The following SPAG17 variants were observed in gnomAD, a reference collection of about 807,000 sequenced individuals.
SPAG17 encodes sperm associated antigen 17.
SPAG17 carries 169 observed loss-of-function variants against 273.6 expected under a neutral mutation model. The observed-to-expected ratio is 0.62, with a 90% CI of 0.55 to 0.70. The LOEUF is 0.70. Among genes scored for constraint, SPAG17 ranks in the 30% least tolerant of loss-of-function variants. SPAG17 has a pLI of 0.00. For missense variants in SPAG17, 2,557 were observed against 2,627.8 expected (o/e 0.97, Z 0.59); for synonymous variants, 825 against 873.2 (o/e 0.94, Z 0.97).
chr1:118,102,008 C>T (rs1656101922), intron 4 of SPAG17, 82 bp from the exon 5 acceptor site: 5 of 1,147,964 alleles, frequency 4.4e-6, no homozygotes, highest in East Asian at 2.3e-5. Flanking sequence ...ATTAATTCTT[C>T]ATCTCATTCA....
rs79217346 is a variant in SPAG17, at chr1:118,134,802, C to A, written c.315+15741G>T. ...TACCATCTAGAGTTCCTTGGTCATA[C>A]CTTGCTGTCTGTCTGCCTGACTTTG... On this transcript the variant is annotated intron_variant, in intron 3 of 48. Transcript: ENST00000336338. Among the ~76,000 whole-genome samples the A allele has an allele frequency of 4.8e-3, 728 of 152,308 alleles. 5 individuals carry two copies. Among genetic ancestry groups the A allele is most frequent in the African/African-American group, 0.017 (690 of 41,562 alleles).
intron 13 of SPAG17, among the ~76,000 whole-genome samples, chr1:118,085,109 G>A (rs148859643): frequency 3.3e-5 from 5 of 152,214 alleles, no homozygotes; most frequent in Admixed American, 6.5e-5. Context: ...CTGTCCTCAT[G>A]TGCAGAGATG....
At chr1:118,063,315 C>A (rs185528619) in intron 18 of SPAG17, among the ~76,000 whole-genome samples, 1 of 152,136 alleles carries the variant, frequency 6.6e-6, no homozygotes, top group Non-Finnish European at 1.5e-5. Flanking sequence ...GGAGACATCA[C>A]GCTACCTGAC....
rs79271428 is a variant in SPAG17 at position 117,998,375 on chromosome 1, C to T, written c.4777-1632G>A. On this transcript the variant is annotated intron_variant, in intron 32 of 48. Coordinates refer to ENST00000336338, the MANE Select transcript of SPAG17 (RefSeq NM_206996.4). ...AGATCAGATGATTGCAGGTGTGCAACTTTATATCTGGGCTCTCTATTTGGT... is the reference window on the plus strand; with the variant it reads ...AGATCAGATGATTGCAGGTGTGCAATTTTATATCTGGGCTCTCTATTTGGT... Among the ~76,000 whole-genome samples, 645 of 152,094 alleles carry T rather than the reference C, an allele frequency of 4.2e-3. 4 individuals are homozygous for T. Among genetic ancestry groups the T allele is most frequent in the African/African-American group, 0.015 (613 of 41,500 alleles).
chr1:118,093,266 T>A lies in SPAG17; in HGVS notation c.1063A>T (p.Ile355Phe), dbSNP rs777228381. 3 of 1,613,408 alleles carry A rather than the reference T, an allele frequency of 1.9e-6. No individual in the cohort carries two copies. The highest frequency in any genetic ancestry group is 2.5e-6 in the Non-Finnish European group (3 of 1,179,740). ...FENIACLMYD[I>F]LDWKRQHQHY... Reference sequence around the variant, plus strand: ...TGGTGCTGCCTTTTCCAATCCAGGATGTCATACATCAAGCAGGCAATATTT... The same window carrying A: ...TGGTGCTGCCTTTTCCAATCCAGGAAGTCATACATCAAGCAGGCAATATTT... Residue 355 changes from isoleucine (I) to phenylalanine (F), a missense_variant, in exon 8 of 49, where the codon ATC (isoleucine) becomes TTC (phenylalanine). Transcript: ENST00000336338.
Position 118,066,801 on chromosome 1 carries a change from T to C in SPAG17, c.2484A>G (p.Arg828=), listed in dbSNP as rs1318866777. ...TCCAATATTCACAATGCAAACGTTG[T>C]CTATTCATTGGATTGTGAAAGACTA... ...LLLVFHNPMN[R]QRLHCEYWNI... is the part of the protein sequence containing the mutation. The change falls in exon 18 of 49, where the codon AGA becomes AGG. Residue 828 remains arginine, a synonymous_variant. Transcript: ENST00000336338. The C allele has an allele frequency of 1.2e-6, 2 of 1,613,876 alleles. No homozygotes were observed. The highest frequency in any genetic ancestry group is 3.3e-5 in the Admixed American group (2 of 60,004).
chr1:118,129,870 C>T (rs1657964274), intron 3 of SPAG17, among the ~76,000 whole-genome samples: 1 of 151,944 alleles, frequency 6.6e-6, no homozygotes, highest in African/African-American at 2.4e-5. Flanking sequence ...CTGCCCCTTT[C>T]AGAGGACAGC....
intron 32 of SPAG17, 99 bp downstream of exon 32, chr1:118,005,315 A>T: frequency 1.9e-6 from 2 of 1,038,742 alleles, no homozygotes; most frequent in Middle Eastern, 4.4e-4. Flanking sequence ...AATTAATCCC[A>T]AGGCAACTAA....
Position 118,031,822 on chromosome 1 carries a change from G to C in SPAG17, c.3479C>G (p.Ala1160Gly). ...AACAGGAACCACTGTTGGAGTGAGT[G>C]CTGAAGGGATATTCAATATTGTTTC... ...DLETILNIPS[A>G]LTPTVVPVIV... is the part of the protein sequence containing the mutation. Residue 1160 changes from alanine (A) to glycine (G), a missense_variant, in exon 25 of 49, where the codon GCA (alanine) becomes GGA (glycine). Coordinates refer to ENST00000336338, the MANE Select transcript of SPAG17 (RefSeq NM_206996.4). The C allele has an allele frequency of 6.2e-7, 1 of 1,612,498 alleles. No homozygotes were observed. The highest frequency in any genetic ancestry group is 1.1e-5 in the South Asian group (1 of 90,764).
In SPAG17 at chr1:118,123,987, G is replaced by C. The variant is rs17037902; in HGVS notation, c.316-8546C>G. On this transcript the variant is annotated intron_variant, in intron 3 of 48. Transcript: ENST00000336338. ...CAATATGTGCATGTCAAAAAGCACA[G>C]GACTATTTTAGAAATGTTTGCTGGA... is the stretch of plus-strand genomic sequence containing the variant. 2.3e-3 allele frequency among the ~76,000 whole-genome samples: 349 copies of C among 152,238 alleles called. 1 individual carries two copies. Among genetic ancestry groups the C allele is most frequent in the Middle Eastern group, 0.01 (3 of 294 alleles).
chr1:118,109,069 C>T (rs1656591493), intron 4 of SPAG17, among the ~76,000 whole-genome samples: 1 of 151,996 alleles, frequency 6.6e-6, no homozygotes, highest in Admixed American at 6.5e-5. Flanking sequence ...TATTCATTCT[C>T]CTAATTCCTT....
intron 15 of SPAG17, among the ~76,000 whole-genome samples, chr1:118,080,165 A>G (rs970878098): frequency 1.3e-5 from 2 of 152,168 alleles, no homozygotes; most frequent in African/African-American, 4.8e-5. Flanking sequence ...TTGGCCTCCC[A>G]AAGTGCTGGG....
intron 28 of SPAG17, among the ~76,000 whole-genome samples, chr1:118,019,733 C>A (rs1425654239): frequency 5.3e-5 from 8 of 152,132 alleles, no homozygotes; most frequent in Non-Finnish European, 1.2e-4. Flanking sequence ...GTTAGATTAT[C>A]CTCAAAGCAA....
rs1570738920 is a variant in SPAG17, at chr1:118,126,131, T to A, written c.316-10690A>T. Among the ~76,000 whole-genome samples, 3 of 151,668 alleles carry A rather than the reference T, an allele frequency of 2.0e-5. No individual in the cohort carries two copies. The South Asian group carries it at 6.3e-4, about 32-fold the overall frequency. On this transcript the variant is annotated intron_variant, in intron 3 of 48. Coordinates refer to ENST00000336338, the MANE Select transcript of SPAG17 (RefSeq NM_206996.4). Reference sequence around the variant, plus strand: ...ATTTGTATTTCCCTGATTAGTGATGTTGAACATTTTTCATCTAGCTGTTGC... The same window carrying A: ...ATTTGTATTTCCCTGATTAGTGATGATGAACATTTTTCATCTAGCTGTTGC...
intron 46 of SPAG17, among the ~76,000 whole-genome samples, chr1:117,969,083 T>C (rs1654245005): frequency 6.6e-6 from 1 of 152,222 alleles, no homozygotes; most frequent in Non-Finnish European, 1.5e-5. Context: ...CAAATGTGAC[T>C]TTATTTAAGA....
chr1:118,165,645 C>CTTTTTTT (rs5777341), intron 1 of SPAG17, among the ~76,000 whole-genome samples: 6 of 108,352 alleles, frequency 5.5e-5, no homozygotes, highest in African/African-American at 1.1e-4. Flanking sequence ...AAAAAACTTT[C>CTTTTTTT]TTTTTTTTTT....
At chr1:118,011,466 C>T (rs1162911749) in intron 30 of SPAG17, among the ~76,000 whole-genome samples, 1 of 152,086 alleles carries the variant, frequency 6.6e-6, no homozygotes, top group Non-Finnish European at 1.5e-5. Flanking sequence ...CAAACTAACA[C>T]AGGAAGAGAA....
chr1:118,164,884 A>C (rs921736310), intron 1 of SPAG17, among the ~76,000 whole-genome samples: 6 of 152,230 alleles, frequency 3.9e-5, no homozygotes, highest in African/African-American at 1.2e-4. Flanking sequence ...TTGAGGAATA[A>C]CCATTGTGTA....
At chr1:118,127,368 A>C (rs1657794007) in intron 3 of SPAG17, among the ~76,000 whole-genome samples, 1 of 152,166 alleles carries the variant, frequency 6.6e-6, no homozygotes, top group Non-Finnish European at 1.5e-5. Context: ...CAGGAAACTC[A>C]CAGTCAACTG....
Sources: allele counts gnomAD v4.1 joint callset (sites outside exome capture counted in the v4.1 genomes callset), GRCh38; gene constraint gnomAD v4.1.1; transcripts MANE v1.5; gene names NCBI Gene and HGNC (gene_info 2026-07-23, HGNC 2026-07-21).